The following NRXN1 variants were observed in gnomAD, a reference collection of about 807,000 sequenced individuals.
The protein encoded by NRXN1 is neurexin-1.
A neutral mutation model predicts 150.9 loss-of-function variants in NRXN1; 39 were observed. That is an observed-to-expected ratio of 0.26 (90% CI 0.20 to 0.34). NRXN1 has a LOEUF of 0.34. Among genes scored for constraint, NRXN1 ranks in the 10% least tolerant of loss-of-function variants. The pLI is 1.00. For missense variants in NRXN1, 1,815 were observed against 1,949.9 expected (o/e 0.93, Z 1.30); for synonymous variants, 924 against 757.0 (o/e 1.22, Z -3.62).
At chr2:50,146,738 A>C (rs1201629047) in intron 18 of NRXN1, among the ~76,000 whole-genome samples, 1 of 151,578 alleles carries the variant, frequency 6.6e-6, no homozygotes, top group African/African-American at 2.4e-5. Flanking sequence ...ACACAGGCCA[A>C]GTTTTCTTTG....
intron 5 of NRXN1, among the ~76,000 whole-genome samples, chr2:50,904,388 A>G (rs1257110306): frequency 2.6e-5 from 4 of 152,158 alleles, no homozygotes; most frequent in African/African-American, 7.2e-5. Context: ...TAAGTATTAA[A>G]TAGTCCATAC....
At chr2:50,440,551 AAGG>A (rs1369797837) in intron 17 of NRXN1, among the ~76,000 whole-genome samples, 1 of 152,252 alleles carries the variant, frequency 6.6e-6, no homozygotes, top group Non-Finnish European at 1.5e-5. Flanking sequence ...TAAGGCAGGA[AAGG>A]AGGACAAGGA....
At chr2:50,559,276 T>C (rs752707357) in intron 8 of NRXN1, among the ~76,000 whole-genome samples, 4 of 152,168 alleles carry the variant, frequency 2.6e-5, no homozygotes, top group Admixed American at 6.5e-5. Context: ...AGCAGATAAA[T>C]TGCATTTGCT....
intron 2 of NRXN1, among the ~76,000 whole-genome samples, chr2:51,009,522 C>T (rs960634050): frequency 1.3e-5 from 2 of 151,872 alleles, no homozygotes; most frequent in African/African-American, 4.8e-5. Flanking sequence ...TGGAAAATTG[C>T]ATTGTCAAGT....
intron 8 of NRXN1, 142 bp from the exon 9 acceptor site, chr2:50,553,167 C>T (rs1421892020): frequency 1.6e-6 from 1 of 637,752 alleles, no homozygotes; most frequent in Non-Finnish European, 2.7e-6. Context: ...CAACATTTCT[C>T]AGGCAAATAA....
intron 8 of NRXN1, among the ~76,000 whole-genome samples, chr2:50,614,640 A>AAATAT (rs377332372): frequency 7.0e-6 from 1 of 143,332 alleles, no homozygotes; most frequent in African/African-American, 2.6e-5. Flanking sequence ...GTATAATAAA[A>AAATAT]ATATATATAT....
intron 5 of NRXN1, among the ~76,000 whole-genome samples, chr2:50,870,599 A>G (rs1246054742): frequency 1.3e-5 from 2 of 151,974 alleles, no homozygotes; most frequent in Non-Finnish European, 2.9e-5. Flanking sequence ...TCCAGAAATT[A>G]CTTTCCTATC....
At chr2:50,313,067 A>G (rs960578744) in intron 17 of NRXN1, among the ~76,000 whole-genome samples, 5 of 152,100 alleles carry the variant, frequency 3.3e-5, no homozygotes, top group African/African-American at 1.2e-4. Context: ...TACAAAAAAT[A>G]AATCAAGAAG....
intron 18 of NRXN1, among the ~76,000 whole-genome samples, chr2:50,146,959 A>G (rs991089045): frequency 2.0e-5 from 3 of 151,758 alleles, no homozygotes; most frequent in African/African-American, 7.2e-5. Flanking sequence ...TTCATGTTGT[A>G]AAATTTTCAA....
At chr2:50,689,399 C>T (rs1355048280) in intron 5 of NRXN1, among the ~76,000 whole-genome samples, 2 of 152,080 alleles carry the variant, frequency 1.3e-5, no homozygotes, top group Non-Finnish European at 2.9e-5. Context: ...CACTACAAAT[C>T]AATATAGGTA....
chr2:50,191,271 C>A (rs2061428025), intron 18 of NRXN1, among the ~76,000 whole-genome samples: 2 of 151,358 alleles, frequency 1.3e-5, no homozygotes, highest in South Asian at 4.2e-4. Flanking sequence ...AACTCCTGAC[C>A]TCAAATGATC....
intron 15 of NRXN1, among the ~76,000 whole-genome samples, chr2:50,485,004 C>G (rs2090762543): frequency 6.6e-6 from 1 of 152,140 alleles, no homozygotes; most frequent in Non-Finnish European, 1.5e-5. Flanking sequence ...TATTTAAATA[C>G]TGCCGTAGAC....
At chr2:50,973,557 T>C (rs1369079744) in intron 2 of NRXN1, among the ~76,000 whole-genome samples, 1 of 152,116 alleles carries the variant, frequency 6.6e-6, no homozygotes, top group Non-Finnish European at 1.5e-5. Context: ...TCATCTTTCT[T>C]CATTAATTAA....
intron 8 of NRXN1, among the ~76,000 whole-genome samples, chr2:50,611,238 T>C (rs553359796): frequency 6.6e-6 from 1 of 152,100 alleles, no homozygotes; most frequent in Admixed American, 6.6e-5. Flanking sequence ...ATGTATCAAG[T>C]CCTCAGAATT....
chr2:50,342,807 G>A (rs567750178), intron 17 of NRXN1, among the ~76,000 whole-genome samples: 2 of 152,302 alleles, frequency 1.3e-5, no homozygotes, highest in African/African-American at 4.8e-5. Flanking sequence ...GAATTGCTCT[G>A]GGCTATGGGC....
At chr2:50,386,166 G>T (rs1012120350) in intron 17 of NRXN1, among the ~76,000 whole-genome samples, 1 of 151,952 alleles carries the variant, frequency 6.6e-6, no homozygotes, top group African/African-American at 2.4e-5. Context: ...TTATTGAAAT[G>T]CATTTTGTTA....
chr2:51,030,866 TG>T (rs762373918), intron 1 of NRXN1, among the ~76,000 whole-genome samples: 30 of 150,992 alleles, frequency 2.0e-4, no homozygotes, highest in Admixed American at 9.4e-4. Context: ...CTCAAGCTCA[TG>T]TGTTAGAAAA....
Position 50,863,259 on chromosome 2 carries a change from G to A in NRXN1, c.832+58610C>T, listed in dbSNP as rs533293150. Among the ~76,000 whole-genome samples the A allele has an allele frequency of 2.6e-5, 4 of 152,124 alleles. No homozygotes were observed. The South Asian group carries it at 8.3e-4, about 32-fold the overall frequency. On this transcript the variant is annotated intron_variant, in intron 5 of 22. Coordinates refer to ENST00000401669, the MANE Select transcript of NRXN1 (RefSeq NM_001330078.2). ...AACTGGCTTTTCAGATGAACTTTCT[G>A]AAATGATTATCAAAAAGAGCTCTAG...
intron 5 of NRXN1, among the ~76,000 whole-genome samples, chr2:50,680,523 A>T (rs1347462876): frequency 6.6e-6 from 1 of 152,180 alleles, no homozygotes; most frequent in Admixed American, 6.5e-5. Context: ...ACAAAGTCAA[A>T]CATATGAATA....
Sources: gnomAD v4.1 joint callset for allele counts (sites outside exome capture counted in the v4.1 genomes callset) on GRCh38, gnomAD v4.1.1 for gene constraint, MANE v1.5 for transcripts, NCBI Gene and HGNC (gene_info 2026-07-23, HGNC 2026-07-21) for gene names.